UTRN: variants seen among roughly 807,000 people sequenced by gnomAD.
UTRN encodes utrophin, also known as dystrophin-related protein 1.
Under a neutral mutation model 463.9 loss-of-function variants are expected in UTRN, and 283 were observed. That is an observed-to-expected ratio of 0.61 (90% CI 0.55 to 0.67). The LOEUF (loss-of-function observed/expected upper bound fraction) is 0.67. Ranked by LOEUF, UTRN falls within the 30% of genes least tolerant of loss-of-function variation. The pLI, the probability that UTRN is intolerant of heterozygous loss-of-function variation, is 0.00. For synonymous variants in UTRN, 1,442 were observed against 1,431.5 expected (o/e 1.01, Z -0.17); for missense variants, 3,922 against 4,084.3 (o/e 0.96, Z 1.08).
intron 41 of UTRN, among the ~76,000 whole-genome samples, chr6:144,527,864 C>T (rs1432159464): frequency 2.0e-5 from 3 of 151,954 alleles, no homozygotes; most frequent in Non-Finnish European, 4.4e-5. Flanking sequence ...TTATTTCACT[C>T]GAGATTTTTT....
intron 9 of UTRN, among the ~76,000 whole-genome samples, chr6:144,432,875 G>T (rs1295634724): frequency 2.6e-5 from 4 of 152,098 alleles, no homozygotes; most frequent in South Asian, 2.1e-4. Flanking sequence ...AGATTAGGGA[G>T]TGGTGATGAC....
chr6:144,668,516 G>GA (rs1780660233), intron 51 of UTRN, among the ~76,000 whole-genome samples: 1 of 152,210 alleles, frequency 6.6e-6, no homozygotes, highest in South Asian at 2.1e-4. Context: ...GCCATAGACT[G>GA]AGTAGCTTAT....
chr6:144,688,028 A>C (rs976392400), intron 52 of UTRN, among the ~76,000 whole-genome samples: 5 of 152,088 alleles, frequency 3.3e-5, no homozygotes, highest in Non-Finnish European at 7.4e-5. Context: ...TATTTCTTGA[A>C]AACTTTGTTC....
At chr6:144,608,694 G>A (rs914969784) in intron 51 of UTRN, among the ~76,000 whole-genome samples, 1 of 152,126 alleles carries the variant, frequency 6.6e-6, no homozygotes, top group Admixed American at 6.6e-5. Flanking sequence ...TTGTGGGAGG[G>A]AGATATGTGA....
intron 51 of UTRN, among the ~76,000 whole-genome samples, chr6:144,667,294 G>T (rs1780518867): frequency 6.6e-6 from 1 of 152,106 alleles, no homozygotes; most frequent in South Asian, 2.1e-4. Context: ...CTGACCTCAG[G>T]TGACCAACCT....
At chr6:144,824,199 T>C (rs1348847369) in intron 66 of UTRN, among the ~76,000 whole-genome samples, 1 of 151,992 alleles carries the variant, frequency 6.6e-6, no homozygotes, top group Non-Finnish European at 1.5e-5. Context: ...TTCTAAGCCA[T>C]GCCAAAGTGT....
At chr6:144,597,942 C>T (rs1803828169) in intron 51 of UTRN, among the ~76,000 whole-genome samples, 1 of 152,074 alleles carries the variant, frequency 6.6e-6, no homozygotes. Flanking sequence ...TGCCAGATAA[C>T]CTGAATTTTC....
In UTRN at chr6:144,836,407, G is replaced by T. The variant is rs867150553; in HGVS notation, c.9931G>T (p.Asp3311Tyr). 1.2e-5 allele frequency: 19 copies of T among 1,614,084 alleles called. No homozygotes were observed. The Middle Eastern group carries it at 3.1e-3, about 266-fold the overall frequency. ...TATATCTCCCCATCACACGTCTGAG[G>T]ATTCAGAACTTATAGCAGAAGCAAA... Reference protein sequence around the residue: ...SIISPHHTSEDSELIAEAKLL... With the variant: ...SIISPHHTSEYSELIAEAKLL... Residue 3311 changes from aspartate (D) to tyrosine (Y), a missense_variant, in exon 71 of 75, where the codon GAT becomes TAT. Asp to Tyr is a radical substitution (Grantham distance 160, BLOSUM62 -3). Coordinates refer to ENST00000367545, the MANE Select transcript of UTRN (RefSeq NM_007124.3).
At chr6:144,692,207 G>A (rs1378137146) in intron 52 of UTRN, among the ~76,000 whole-genome samples, 1 of 152,152 alleles carries the variant, frequency 6.6e-6, no homozygotes, top group Admixed American at 6.5e-5. Context: ...CCCTGTTCCT[G>A]CAAAGAACAT....
intron 14 of UTRN, among the ~76,000 whole-genome samples, chr6:144,446,513 A>AT (rs1006843429): frequency 2.6e-5 from 4 of 152,356 alleles, no homozygotes; most frequent in African/African-American, 9.6e-5. Flanking sequence ...TAAATGCTAC[A>AT]TTTTGGGAGA....
At chr6:144,508,539 A>G (rs1794896844) in intron 34 of UTRN, among the ~76,000 whole-genome samples, 2 of 152,078 alleles carry the variant, frequency 1.3e-5, no homozygotes, top group African/African-American at 4.8e-5. Flanking sequence ...TGGTGAAGCG[A>G]CACCCTCCGT....
intron 50 of UTRN, among the ~76,000 whole-genome samples, chr6:144,562,029 A>C (rs1799972553): frequency 6.6e-6 from 1 of 152,076 alleles, no homozygotes; most frequent in African/African-American, 2.4e-5. Flanking sequence ...GATATTCTAA[A>C]ATTTTATTAA....
chr6:144,488,555 A>C lies in UTRN; in HGVS notation c.3973-118A>C, dbSNP rs1792710698. 3.3e-6 allele frequency: 3 copies of C among 900,116 alleles called. No homozygotes were observed. The African/African-American group carries it at 5.1e-5, about 15-fold the overall frequency. The allele number at this position is 900,116 out of a possible 1,614,324, so 55.8% of individuals were successfully genotyped here. ...ATTAGTAATTATTATTTATTTATAAAGAAAGCTAAAGTCTTGGATGAAAGC... is the reference window on the plus strand; with the variant it reads ...ATTAGTAATTATTATTTATTTATAACGAAAGCTAAAGTCTTGGATGAAAGC... On this transcript the variant is annotated intron_variant, in intron 29 of 74. Coordinates refer to ENST00000367545, the MANE Select transcript of UTRN (RefSeq NM_007124.3).
At chr6:144,700,034 T>C in intron 52 of UTRN, 53 bp from the exon 53 acceptor site, 2 of 1,505,156 alleles carry the variant, frequency 1.3e-6, no homozygotes, top group Non-Finnish European at 1.8e-6. Context: ...ATTTTGTGAA[T>C]GTAATTTGCA....
At chr6:144,376,303 C>A (rs1780456583) in intron 2 of UTRN, among the ~76,000 whole-genome samples, 1 of 151,808 alleles carries the variant, frequency 6.6e-6, no homozygotes, top group Non-Finnish European at 1.5e-5. Context: ...AAAAATATAA[C>A]AATTAGCTGG....
intron 2 of UTRN, among the ~76,000 whole-genome samples, chr6:144,321,664 G>T (rs1775659890): frequency 6.6e-6 from 1 of 151,350 alleles, no homozygotes; most frequent in Non-Finnish European, 1.5e-5. Context: ...GAGACAGGGG[G>T]TTTCACCATG....
chr6:144,511,378 ATTTG>A (rs1265518784), intron 35 of UTRN, among the ~76,000 whole-genome samples: 6 of 152,096 alleles, frequency 3.9e-5, no homozygotes, highest in African/African-American at 1.4e-4. Flanking sequence ...AATGCACCTT[ATTTG>A]TTTCATTTTA....
At chr6:144,416,943 C>A (rs1419084055) in intron 3 of UTRN, among the ~76,000 whole-genome samples, 1 of 152,176 alleles carries the variant, frequency 6.6e-6, no homozygotes, top group Non-Finnish European at 1.5e-5. Context: ...GAAGTCTCTG[C>A]AAATGAGTCT....
At chr6:144,741,716 C>G (rs1205346340) in intron 54 of UTRN, among the ~76,000 whole-genome samples, 1 of 152,176 alleles carries the variant, frequency 6.6e-6, no homozygotes, top group Non-Finnish European at 1.5e-5. Flanking sequence ...GGAAAGATCT[C>G]AGGTTGCTTA....
Sources: gnomAD v4.1 joint callset for allele counts (sites outside exome capture counted in the v4.1 genomes callset) on GRCh38, gnomAD v4.1.1 for gene constraint, MANE v1.5 for transcripts, NCBI Gene and HGNC (gene_info 2026-07-23, HGNC 2026-07-21) for gene names.